Variants in MIPEP observed in about 807,000 individuals in gnomAD.
The protein encoded by MIPEP is mitochondrial intermediate peptidase.
In MIPEP, 79 loss-of-function variants were observed where a neutral mutation model predicts 90.3. That is an observed-to-expected ratio of 0.87 (90% CI 0.73 to 1.05). The LOEUF is 1.05. MIPEP is among the 50% of genes least tolerant of loss of function. The pLI is 0.00. For missense variants in MIPEP, 940 were observed against 905.6 expected (o/e 1.04, Z -0.49); for synonymous variants, 334 against 315.8 (o/e 1.06, Z -0.61).
chr13:23,869,334 A>G lies in MIPEP; in HGVS notation c.901T>C (p.Phe301Leu). 1.2e-6 allele frequency: 2 copies of G among 1,612,170 alleles called. No homozygotes were observed. Among genetic ancestry groups the G allele is most frequent in the Non-Finnish European group, 8.5e-7 (1 of 1,179,486 alleles). The stretch of plus-strand genomic sequence containing the variant: ...GTTCCTTGGAGAGCCCTGTGAGAAA[A>G]CGTGGAATACCCCACCAACTTTGCC... ...LLAKLVGYST[F>L]SHRALQGTIA... Residue 301 changes from phenylalanine to leucine, a missense_variant, in exon 7 of 19, where the codon TTT becomes CTT. Phe to Leu is a conservative substitution (Grantham distance 22). Transcript: ENST00000382172.
At chr13:23,851,455 G>A (rs1869794222) in intron 10 of MIPEP, among the ~76,000 whole-genome samples, 1 of 152,162 alleles carries the variant, frequency 6.6e-6, no homozygotes, top group Non-Finnish European at 1.5e-5. Context: ...TTTGAGAATT[G>A]GTAATTAAAA....
chr13:23,809,859 C>T lies in MIPEP; in HGVS notation c.1719G>A (p.Met573Ile), dbSNP rs1296958726. The T allele has an allele frequency of 2.5e-6, 4 of 1,611,650 alleles. No individual in the cohort carries two copies. In the East Asian group the frequency reaches 8.9e-5, roughly 36 times the overall value. The change falls in exon 15 of 19, where the codon ATG (methionine) becomes ATA (isoleucine). Residue 573 changes from methionine (M) to isoleucine (I), a missense_variant. By Grantham distance (10) the Met-to-Ile change is conservative (BLOSUM62 1). Coordinates refer to ENST00000382172, the MANE Select transcript of MIPEP (RefSeq NM_005932.4). Reference protein sequence around the residue: ...ESKKVCAAADMQLQVFYATLD... With the variant: ...ESKKVCAAADIQLQVFYATLD... ...AAAGGTACATACATACCTGAAGTTG[C>T]ATATCAGCTGCAGCACAAACCTTTT...
At chr13:23,864,010 T>C (rs1018831822) in intron 8 of MIPEP, 131 bp downstream of exon 8, 2 of 537,232 alleles carry the variant, frequency 3.7e-6, no homozygotes, top group Admixed American at 3.8e-5. Context: ...TGTCTCATAG[T>C]GAGACAGGTC....
At chr13:23,837,035 G>A (rs1869084748) in intron 13 of MIPEP, among the ~76,000 whole-genome samples, 1 of 152,140 alleles carries the variant, frequency 6.6e-6, no homozygotes, top group South Asian at 2.1e-4. Flanking sequence ...CAATGAAGAA[G>A]GAAGTCTGTA....
At chr13:23,754,424 T>C (rs1952471472) in intron 18 of MIPEP, among the ~76,000 whole-genome samples, 1 of 152,248 alleles carries the variant, frequency 6.6e-6, no homozygotes, top group Non-Finnish European at 1.5e-5. Context: ...AAAGTAGAAT[T>C]GTTCTATTGT....
chr13:23,815,790 A>G, intron 14 of MIPEP, among the ~76,000 whole-genome samples: 1 of 152,226 alleles, frequency 6.6e-6, no homozygotes, highest in East Asian at 1.9e-4. Context: ...TATCTTCGAT[A>G]TTTCAATATC....
intron 16 of MIPEP, among the ~76,000 whole-genome samples, chr13:23,803,461 G>A (rs375717777): frequency 7.2e-5 from 11 of 152,046 alleles, no homozygotes; most frequent in East Asian, 1.9e-4. Context: ...TTCACATCTC[G>A]GTCTTTAACT....
intron 16 of MIPEP, among the ~76,000 whole-genome samples, chr13:23,791,789 C>T (rs1952900120): frequency 6.6e-6 from 1 of 152,160 alleles, no homozygotes; most frequent in Non-Finnish European, 1.5e-5. Context: ...AGGAAAACAC[C>T]AGAAGTGCCT....
At chr13:23,842,484 C>T (rs1869340444) in intron 10 of MIPEP, 1 of 152,146 alleles carries the variant, frequency 6.6e-6, no homozygotes, top group Non-Finnish European at 1.5e-5. Context: ...AAACAGAATC[C>T]TAGTGTTGAA....
intron 7 of MIPEP, among the ~76,000 whole-genome samples, chr13:23,869,077 A>G (rs1381741847): frequency 1.3e-5 from 2 of 152,232 alleles, no homozygotes; most frequent in Non-Finnish European, 2.9e-5. Context: ...TTTACTCTCA[A>G]CATTCACATA....
rs750906590 is a variant in MIPEP at position 23,746,053 on chromosome 13, C to A, written c.2044+10492G>T. On this transcript the variant is annotated intron_variant, in intron 18 of 18. Transcript: ENST00000382172. ...TTTTGAGACAGCGTTTCACTCTTGT[C>A]ACCCAGGCTGGAGTGTAACGGCACA... 6.8e-4 allele frequency among the ~76,000 whole-genome samples: 95 copies of A among 140,612 alleles called. 2 individuals are homozygous for A. The highest frequency in any genetic ancestry group is 8.2e-3 in the Middle Eastern group (2 of 244). The allele number at this position is 140,612 out of a possible 152,430, so 92.2% of individuals were successfully genotyped here.
At chr13:23,756,292 T>A (rs1952489988) in intron 18 of MIPEP, among the ~76,000 whole-genome samples, 1 of 152,130 alleles carries the variant, frequency 6.6e-6, no homozygotes, top group African/African-American at 2.4e-5. Flanking sequence ...GTAGCTGGGA[T>A]TACAGGCGTC....
At chr13:23,758,017 T>C (rs985783959) in intron 17 of MIPEP, among the ~76,000 whole-genome samples, 4 of 152,214 alleles carry the variant, frequency 2.6e-5, no homozygotes, top group Non-Finnish European at 5.9e-5. Context: ...TTAATCAGAC[T>C]TTTTGATAGC....
chr13:23,888,917 C>T, intron 1 of MIPEP: 1 of 526,922 alleles, frequency 1.9e-6, no homozygotes, highest in African/African-American at 2.0e-5. Context: ...GTTCCCGGAC[C>T]CGACACTCTG....
intron 14 of MIPEP, among the ~76,000 whole-genome samples, chr13:23,825,566 C>A (rs1868411454): frequency 2.0e-5 from 3 of 152,118 alleles, no homozygotes; most frequent in Admixed American, 1.3e-4. Context: ...GACACATTGT[C>A]AGAAGTTTAG....
intron 14 of MIPEP, among the ~76,000 whole-genome samples, chr13:23,827,449 GA>G (rs956216336): frequency 3.9e-5 from 6 of 152,102 alleles, no homozygotes; most frequent in Non-Finnish European, 8.8e-5. Context: ...TCCCACAGAG[GA>G]AACAACAGAC....
At chr13:23,759,874 C>T (rs35802945) in intron 17 of MIPEP, among the ~76,000 whole-genome samples, 3,629 of 152,238 alleles carry the variant, frequency 0.024, 54 homozygotes, top group Middle Eastern at 0.051. Context: ...ACAGTGGCTG[C>T]AGGGTAGGGG....
intron 16 of MIPEP, among the ~76,000 whole-genome samples, chr13:23,795,879 C>T (rs370645707): frequency 1.3e-5 from 2 of 150,532 alleles, no homozygotes; most frequent in African/African-American, 4.9e-5. Flanking sequence ...GCCTGTAGTC[C>T]TAGCTACCTG....
chr13:23,830,183 C>T (rs958915391), intron 14 of MIPEP, among the ~76,000 whole-genome samples: 2 of 152,092 alleles, frequency 1.3e-5, no homozygotes, highest in South Asian at 2.1e-4. Flanking sequence ...GTGTGCTCCA[C>T]GTGTGCTCCA....
Sources: allele counts gnomAD v4.1 joint callset (sites outside exome capture counted in the v4.1 genomes callset), GRCh38; gene constraint gnomAD v4.1.1; transcripts MANE v1.5; gene names NCBI Gene and HGNC (gene_info 2026-07-23, HGNC 2026-07-21).